Variants in RANBP2 observed in about 807,000 individuals in gnomAD.
The protein encoded by RANBP2 is RAN binding protein 2.
In RANBP2, 57 loss-of-function variants were observed where a neutral mutation model predicts 303.6. The ratio of observed to expected loss-of-function variants is 0.19; its 90% CI spans 0.15 to 0.23. RANBP2 has a LOEUF of 0.23. Ranked by LOEUF, RANBP2 falls within the 10% of genes least tolerant of loss-of-function variation. The pLI is 1.00. For synonymous variants in RANBP2, 1,167 were observed against 1,301.5 expected (o/e 0.90, Z 2.23); for missense variants, 3,138 against 3,780.8 (o/e 0.83, Z 4.46).
At chr2:109,350,519 C>A in the RANBP2 span, among the ~76,000 whole-genome samples, 2 of 152,212 alleles carry the variant, frequency 1.3e-5, no homozygotes, top group Non-Finnish European at 1.5e-5. Context: ...CCTCTGACCC[C>A]CAAAGGGCGA....
chr2:109,523,185 CTGTAGGT>C, the RANBP2 span, among the ~76,000 whole-genome samples: 1 of 152,180 alleles, frequency 6.6e-6, no homozygotes, highest in Non-Finnish European at 1.5e-5. Flanking sequence ...CCTTGAATCT[CTGTAGGT>C]TGCTCCTCCT....
chr2:109,010,651 C>T, the RANBP2 span, among the ~76,000 whole-genome samples: 1 of 152,140 alleles, frequency 6.6e-6, no homozygotes, highest in Non-Finnish European at 1.5e-5. Flanking sequence ...CTAATCACCT[C>T]CCAAAGACCC....
chr2:109,078,098 A>ATATAGCG, the RANBP2 span, among the ~76,000 whole-genome samples: 2 of 60,068 alleles, frequency 3.3e-5, no homozygotes, highest in African/African-American at 1.7e-4. Context: ...ATATATATAT[A>ATATAGCG]TATATATATA....
chr2:109,229,225 T>C, the RANBP2 span, among the ~76,000 whole-genome samples: 1 of 152,224 alleles, frequency 6.6e-6, no homozygotes, highest in Non-Finnish European at 1.5e-5. Flanking sequence ...AGCTGTTCCC[T>C]TCCCCCTTTT....
At chr2:109,678,784 G>A in the RANBP2 span, among the ~76,000 whole-genome samples, 2 of 152,080 alleles carry the variant, frequency 1.3e-5, no homozygotes, top group Non-Finnish European at 2.9e-5. Flanking sequence ...CAGGCTGCAC[G>A]AGTGGCTGAA....
At chr2:108,974,429 T>G in the RANBP2 span, among the ~76,000 whole-genome samples, 1 of 150,016 alleles carries the variant, frequency 6.7e-6, no homozygotes, top group Non-Finnish European at 1.5e-5. Flanking sequence ...TCTTAATGAT[T>G]ACACCATGAA....
the RANBP2 span, among the ~76,000 whole-genome samples, chr2:109,316,558 T>C: frequency 6.6e-6 from 1 of 152,228 alleles, no homozygotes; most frequent in East Asian, 1.9e-4. Context: ...CTTTCTGTTT[T>C]AGAGCAGTTT....
chr2:109,737,223 C>T, the RANBP2 span: 1 of 839,386 alleles, frequency 1.2e-6, no homozygotes, highest in Middle Eastern at 3.6e-4. Flanking sequence ...CAACTATGCA[C>T]AACCAATCAC....
At chr2:109,043,476 G>A in the RANBP2 span, among the ~76,000 whole-genome samples, 1 of 152,222 alleles carries the variant, frequency 6.6e-6, no homozygotes, top group East Asian at 1.9e-4. Context: ...CCGAGTAGCT[G>A]GGACTACAGG....
At chr2:108,910,361 G>C in the RANBP2 span, 1 of 980,066 alleles carries the variant, frequency 1.0e-6, no homozygotes, top group African/African-American at 1.6e-5. Flanking sequence ...TAGTGTCCCA[G>C]GCTAGCCTGT....
chr2:109,487,099 A>T, the RANBP2 span, among the ~76,000 whole-genome samples: 3 of 152,190 alleles, frequency 2.0e-5, no homozygotes, highest in Non-Finnish European at 4.4e-5. Flanking sequence ...CGTAACAGGG[A>T]TGCCAAATCC....
the RANBP2 span, among the ~76,000 whole-genome samples, chr2:109,388,490 A>G: frequency 6.6e-6 from 1 of 152,050 alleles, no homozygotes; most frequent in Non-Finnish European, 1.5e-5. Context: ...CCCCCCAGGT[A>G]CTCTCAGCTG....
the RANBP2 span, among the ~76,000 whole-genome samples, chr2:109,061,890 G>A: frequency 6.6e-6 from 1 of 152,172 alleles, no homozygotes; most frequent in Non-Finnish European, 1.5e-5. Context: ...CTGGAGCCAT[G>A]CATGCATTCC....
At chr2:109,318,327 C>T in the RANBP2 span, among the ~76,000 whole-genome samples, 2 of 152,030 alleles carry the variant, frequency 1.3e-5, no homozygotes, top group Non-Finnish European at 1.5e-5. Context: ...TGCCTCCCGG[C>T]CCCCAGCCCG....
At chr2:108,913,824 C>A in the RANBP2 span, among the ~76,000 whole-genome samples, 7 of 151,966 alleles carry the variant, frequency 4.6e-5, no homozygotes, top group African/African-American at 1.7e-4. Context: ...GTGGCAGGCG[C>A]CTGTAGTCCC....
At chr2:109,126,568 G>C in the RANBP2 span, among the ~76,000 whole-genome samples, 1 of 152,164 alleles carries the variant, frequency 6.6e-6, no homozygotes, top group Non-Finnish European at 1.5e-5. Context: ...TTCCAGGAGT[G>C]GCTGATGTTG....
At chr2:108,956,795 T>G in the RANBP2 span, among the ~76,000 whole-genome samples, 26 of 152,206 alleles carry the variant, frequency 1.7e-4, no homozygotes, top group South Asian at 1.5e-3. Context: ...TTTTTTTTTT[T>G]GTTTTTTTTG....
At chr2:109,214,944 G>A in the RANBP2 span, among the ~76,000 whole-genome samples, 1 of 152,324 alleles carries the variant, frequency 6.6e-6, no homozygotes, top group East Asian at 1.9e-4. Flanking sequence ...CAGCTGTAGT[G>A]AGCTGAGGAG....
chr2:109,347,991 C>T, the RANBP2 span: 116 of 1,556,790 alleles, frequency 7.5e-5, no homozygotes, highest in Non-Finnish European at 8.9e-5. Context: ...CCCATGCAGC[C>T]TCTGTGCCAC....
Sources: gnomAD v4.1 joint callset for allele counts (sites outside exome capture counted in the v4.1 genomes callset) on GRCh38, gnomAD v4.1.1 for gene constraint, MANE v1.5 for transcripts, NCBI Gene and HGNC (gene_info 2026-07-23, HGNC 2026-07-21) for gene names.